Variants in EPG5 observed in about 807,000 individuals in gnomAD.
EPG5 encodes the protein ectopic P-granules 5 autophagy tethering factor.
A neutral mutation model predicts 302.7 loss-of-function variants in EPG5; 159 were observed. The observed-to-expected ratio is 0.53, with a 90% CI of 0.46 to 0.60. The LOEUF is 0.60. EPG5 is among the 20% of genes least tolerant of loss of function. EPG5 has a pLI of 0.00. For synonymous variants in EPG5, 1,158 were observed against 1,136.8 expected, an observed-to-expected ratio of 1.02 and a Z score of -0.37; for missense variants, 2,896 against 3,092.4, an observed-to-expected ratio of 0.94 and a Z score of 1.51.
chr18:45,808,476 T>A, the EPG5 span, among the ~76,000 whole-genome samples: 1 of 152,122 alleles, frequency 6.6e-6, no homozygotes, highest in South Asian at 2.1e-4. Context: ...AGCTGTGAGA[T>A]AAAGGCACTA....
At chr18:45,855,541 C>A in intron 43 of EPG5, 32 bp downstream of exon 43, 1 of 1,544,042 alleles carries the variant, frequency 6.5e-7, no homozygotes, top group Non-Finnish European at 8.9e-7. Flanking sequence ...GATGTGCAGG[C>A]AAACTTCTAA....
At chr18:45,857,795 T>A in intron 42 of EPG5, 58 bp downstream of exon 42, 1 of 1,390,450 alleles carries the variant, frequency 7.2e-7, no homozygotes. Flanking sequence ...AACCTGTAAG[T>A]AGGTACAGAT....
chr18:45,818,532 C>A, the EPG5 span, among the ~76,000 whole-genome samples: 1 of 152,090 alleles, frequency 6.6e-6, no homozygotes. Flanking sequence ...ACAGGTATTT[C>A]ATCATCCATT....
chr18:45,954,913 A>C lies in EPG5; in HGVS notation c.489T>G (p.Thr163=), dbSNP rs755608067. 6.2e-7 allele frequency: 1 copy of C among 1,613,550 alleles called. No homozygotes were observed. The highest frequency in any genetic ancestry group is 8.5e-7 in the Non-Finnish European group (1 of 1,179,834). Residue 163 remains threonine (T), a synonymous_variant, in exon 2 of 44, where the codon ACT becomes ACG. Transcript: ENST00000282041. ...CTTGTATATTTTCCATTGCTGGCTG[A>C]GTATAAGAAAAATTAGATTGGGGTG... The part of the protein sequence containing the change: ...ESAPQSNFSY[T]QPAMENIQVR...
chr18:45,908,089 A>T lies in EPG5; in HGVS notation c.4206-8T>A. ...ATATATACATTGAAGAGCCTAAAAG[A>T]TAAAAACATAATTATACGAAACATA... is the stretch of plus-strand genomic sequence containing the variant. On this transcript the variant is annotated splice_region_variant and splice_polypyrimidine_tract_variant and intron_variant, in intron 23 of 43. Transcript: ENST00000282041. 1 of 1,498,418 alleles carries T rather than the reference A, an allele frequency of 6.7e-7. No individual in the cohort carries two copies. The highest frequency in any genetic ancestry group is 9.1e-7 in the Non-Finnish European group (1 of 1,104,104). The allele number at this position is 1,498,418 out of a possible 1,614,324, so 92.8% of individuals were successfully genotyped here. A position where few individuals can be genotyped will look rare whatever the true frequency, so the allele number is the denominator to read the frequency against.
chr18:45,814,328 A>C, the EPG5 span, among the ~76,000 whole-genome samples: 14 of 152,230 alleles, frequency 9.2e-5, no homozygotes, highest in African/African-American at 3.4e-4. Flanking sequence ...CAAAATGTTA[A>C]TTCATGAGAG....
At chr18:45,937,563 C>T (rs978834403) in intron 10 of EPG5, among the ~76,000 whole-genome samples, 9 of 151,988 alleles carry the variant, frequency 5.9e-5, no homozygotes, top group African/African-American at 1.2e-4. Context: ...CCTGCCACCA[C>T]GCCCAGCTAA....
intron 35 of EPG5, among the ~76,000 whole-genome samples, chr18:45,871,658 C>T (rs114018085): frequency 1.0e-3 from 159 of 152,226 alleles, no homozygotes; most frequent in African/African-American, 3.7e-3. Context: ...AGAACTCATG[C>T]TAAGTGAAGA....
chr18:45,832,004 T>C, the EPG5 span, among the ~76,000 whole-genome samples: 2 of 152,214 alleles, frequency 1.3e-5, no homozygotes, highest in Admixed American at 1.3e-4. Flanking sequence ...AGTGCTGGGA[T>C]TACAGGCGTG....
At chr18:45,957,997 G>A (rs2051067325) in intron 1 of EPG5, among the ~76,000 whole-genome samples, 2 of 152,204 alleles carry the variant, frequency 1.3e-5, no homozygotes, top group Non-Finnish European at 2.9e-5. Flanking sequence ...TACTCTACTA[G>A]TCTAGGCTGA....
intron 22 of EPG5, among the ~76,000 whole-genome samples, chr18:45,910,968 CACT>C (rs1316063907): frequency 6.6e-6 from 1 of 151,902 alleles, no homozygotes; most frequent in African/African-American, 2.4e-5. Flanking sequence ...TTTAAGACAT[CACT>C]ACTTAGAGGT....
At chr18:45,836,880 G>T in the EPG5 span, 1 of 562,636 alleles carries the variant, frequency 1.8e-6, no homozygotes. Flanking sequence ...AAAGTTCCCA[G>T]CCTCTAGTGC....
chr18:45,812,332 G>A, the EPG5 span, among the ~76,000 whole-genome samples: 2 of 152,128 alleles, frequency 1.3e-5, no homozygotes, highest in Non-Finnish European at 2.9e-5. Flanking sequence ...CGTGAAAATG[G>A]CCACACTGTC....
At chr18:45,908,357 C>G (rs1486669703) in intron 23 of EPG5, among the ~76,000 whole-genome samples, 2 of 152,046 alleles carry the variant, frequency 1.3e-5, no homozygotes, top group African/African-American at 4.8e-5. Flanking sequence ...AAATACAGTA[C>G]ACAGAAAAAA....
At chr18:45,950,941 T>C (rs1423901204) in intron 4 of EPG5, among the ~76,000 whole-genome samples, 161 bp downstream of exon 4, 2 of 151,848 alleles carry the variant, frequency 1.3e-5, no homozygotes, top group African/African-American at 2.4e-5. Context: ...ACTAGATAAA[T>C]AACTTACTAC....
At chr18:45,855,905 T>C (rs1459026510) in intron 42 of EPG5, among the ~76,000 whole-genome samples, 1 of 152,194 alleles carries the variant, frequency 6.6e-6, no homozygotes, top group African/African-American at 2.4e-5. Context: ...AGAATGAAAG[T>C]GTTGGCAAAG....
At chr18:45,962,694 G>C (rs2051175812) in intron 1 of EPG5, among the ~76,000 whole-genome samples, 1 of 152,120 alleles carries the variant, frequency 6.6e-6, no homozygotes, top group Non-Finnish European at 1.5e-5. Context: ...CTGTCTAAAG[G>C]CAACAGCACA....
chr18:45,863,288 T>C (rs1252312835), intron 39 of EPG5, among the ~76,000 whole-genome samples: 2 of 152,214 alleles, frequency 1.3e-5, no homozygotes, highest in Non-Finnish European at 2.9e-5. Context: ...CCTTTACCAA[T>C]ACATTTGAAT....
the EPG5 span, chr18:45,840,143 G>A: frequency 2.5e-6 from 4 of 1,572,094 alleles, no homozygotes; most frequent in Non-Finnish European, 3.5e-6. Flanking sequence ...GGCATGGGTG[G>A]GGGTGGGCGC....
Sources: gnomAD v4.1 joint callset for allele counts (sites outside exome capture counted in the v4.1 genomes callset) on GRCh38, gnomAD v4.1.1 for gene constraint, MANE v1.5 for transcripts, NCBI Gene and HGNC (gene_info 2026-07-23, HGNC 2026-07-21) for gene names.